ATE1: variants seen among roughly 807,000 people sequenced by gnomAD.
The protein encoded by ATE1 is arginyltransferase 1, also known as arginyl-tRNA--protein transferase 1.
In ATE1, 36 loss-of-function variants were observed where a neutral mutation model predicts 70.5. The ratio of observed to expected loss-of-function variants is 0.51; its 90% confidence interval spans 0.39 to 0.67. ATE1 has a LOEUF of 0.67. Among genes scored for constraint, ATE1 ranks in the 30% least tolerant of loss-of-function variants. The pLI is 0.00. For synonymous variants in ATE1, 232 were observed against 219.3 expected (o/e 1.06, Z -0.51); for missense variants, 593 against 629.5 (o/e 0.94, Z 0.62).
intron 8 of ATE1, among the ~76,000 whole-genome samples, chr10:121,850,543 T>C (rs1005019709): frequency 5.3e-5 from 8 of 152,186 alleles, no homozygotes; most frequent in African/African-American, 1.7e-4. Context: ...CTTGGTATCA[T>C]GAAATAATTT....
chr10:121,799,620 T>C lies in ATE1; in HGVS notation c.1258-9331A>G, dbSNP rs541108319. On this transcript the variant is annotated intron_variant, in intron 10 of 11. Transcript: ENST00000224652. ...TCCTGTGTCTACAGTTTCAGGAAGC[T>C]TCAAACTTAAATTTATATCCAAAAT... Among the ~76,000 whole-genome samples the C allele has an allele frequency of 2.6e-4, 40 of 152,336 alleles. 1 individual carries two copies. Among genetic ancestry groups the C allele is most frequent in the Admixed American group, 2.4e-3 (37 of 15,292 alleles).
intron 7 of ATE1, among the ~76,000 whole-genome samples, chr10:121,891,911 C>G (rs1325032951): frequency 6.6e-6 from 1 of 152,142 alleles, no homozygotes; most frequent in Admixed American, 6.5e-5. Flanking sequence ...TGATACTGTA[C>G]AGAGTCCCTT....
chr10:121,748,643 A>C (rs1944459962), intron 11 of ATE1, among the ~76,000 whole-genome samples: 1 of 151,744 alleles, frequency 6.6e-6, no homozygotes, highest in African/African-American at 2.4e-5. Flanking sequence ...CAAGTTCAAT[A>C]GTTTTTTTGT....
At chr10:121,909,112 C>T (rs752424638) in intron 5 of ATE1, among the ~76,000 whole-genome samples, 8 of 152,144 alleles carry the variant, frequency 5.3e-5, no homozygotes, top group Non-Finnish European at 1.2e-4. Flanking sequence ...CCTCAGCCTC[C>T]CAAGTAGCTG....
chr10:121,762,058 CAA>C (rs1264974221), intron 11 of ATE1, among the ~76,000 whole-genome samples: 1 of 152,182 alleles, frequency 6.6e-6, no homozygotes, highest in African/African-American at 2.4e-5. Context: ...TCACTGAAGT[CAA>C]AGTTGTCCCC....
At chr10:121,812,700 C>G (rs1185892844) in intron 10 of ATE1, among the ~76,000 whole-genome samples, 1 of 152,136 alleles carries the variant, frequency 6.6e-6, no homozygotes, top group Non-Finnish European at 1.5e-5. Context: ...AATGGCCTTT[C>G]CCTTCTCTTC....
chr10:121,764,038 T>C (rs1945170799), intron 11 of ATE1, among the ~76,000 whole-genome samples: 1 of 152,032 alleles, frequency 6.6e-6, no homozygotes, highest in South Asian at 2.1e-4. Flanking sequence ...GAACATATCC[T>C]AATGCAAACA....
intron 7 of ATE1, among the ~76,000 whole-genome samples, chr10:121,870,756 T>C (rs1010708296): frequency 6.6e-6 from 1 of 152,114 alleles, no homozygotes; most frequent in Non-Finnish European, 1.5e-5. Flanking sequence ...TAGAGGGGGA[T>C]AGAAACAAAT....
intron 8 of ATE1, among the ~76,000 whole-genome samples, chr10:121,855,317 G>A (rs1425956249): frequency 2.6e-5 from 4 of 152,224 alleles, no homozygotes; most frequent in Non-Finnish European, 5.9e-5. Context: ...GATTGCAACA[G>A]TAATAGGTAG....
At chr10:121,878,283 A>T (rs1207492078) in intron 7 of ATE1, among the ~76,000 whole-genome samples, 1 of 152,180 alleles carries the variant, frequency 6.6e-6, no homozygotes, top group African/African-American at 2.4e-5. Flanking sequence ...AGCAGTGACT[A>T]TAAGAGCATA....
intron 8 of ATE1, among the ~76,000 whole-genome samples, chr10:121,868,126 T>C (rs766866450): frequency 8.5e-5 from 13 of 152,150 alleles, no homozygotes; most frequent in Non-Finnish European, 1.3e-4. Context: ...AAATAAGATA[T>C]CTTGATAGGT....
chr10:121,882,020 TC>T (rs1369554987), intron 7 of ATE1, among the ~76,000 whole-genome samples: 5 of 152,094 alleles, frequency 3.3e-5, no homozygotes, highest in African/African-American at 1.2e-4. Context: ...GGTCTCAAAC[TC>T]CTCAACTCAG....
At chr10:121,892,435 T>C (rs1950610241) in intron 7 of ATE1, among the ~76,000 whole-genome samples, 1 of 151,182 alleles carries the variant, frequency 6.6e-6, no homozygotes, top group African/African-American at 2.4e-5. Flanking sequence ...AGGGGGTTCC[T>C]CAGTGCTCTT....
chr10:121,908,813 G>T (rs1951306509), intron 5 of ATE1, among the ~76,000 whole-genome samples: 1 of 152,110 alleles, frequency 6.6e-6, no homozygotes, highest in Admixed American at 6.5e-5. Flanking sequence ...ATAGACAAAA[G>T]AAAATTTAGC....
intron 11 of ATE1, among the ~76,000 whole-genome samples, chr10:121,761,169 C>T (rs1418516758): frequency 1.3e-5 from 2 of 152,184 alleles, no homozygotes; most frequent in African/African-American, 2.4e-5. Flanking sequence ...GTGGGAGCAG[C>T]TTGAGGCCCT....
At chr10:121,888,390 T>C (rs1564929840) in intron 7 of ATE1, among the ~76,000 whole-genome samples, 1 of 151,976 alleles carries the variant, frequency 6.6e-6, no homozygotes, top group African/African-American at 2.4e-5. Context: ...CAAGACTCCA[T>C]CTCAAAAAAT....
chr10:121,900,144 G>A, intron 6 of ATE1, 150 bp from the exon 7 acceptor site: 2 of 849,664 alleles, frequency 2.4e-6, no homozygotes, highest in South Asian at 2.2e-5. Flanking sequence ...CAACCAGTTA[G>A]TAAATAAAGA....
intron 7 of ATE1, among the ~76,000 whole-genome samples, chr10:121,877,279 A>G (rs1045106878): frequency 6.6e-6 from 1 of 152,216 alleles, no homozygotes; most frequent in East Asian, 1.9e-4. Flanking sequence ...TTTTACAAGT[A>G]TGTTTAAGAG....
intron 10 of ATE1, among the ~76,000 whole-genome samples, chr10:121,808,146 T>C (rs1421809476): frequency 6.6e-6 from 1 of 152,236 alleles, no homozygotes; most frequent in African/African-American, 2.4e-5. Context: ...TAAGGATTTA[T>C]TTAAAACTCC....
Sources: allele counts gnomAD v4.1 joint callset (sites outside exome capture counted in the v4.1 genomes callset), GRCh38; gene constraint gnomAD v4.1.1; transcripts MANE v1.5; gene names NCBI Gene and HGNC (gene_info 2026-07-23, HGNC 2026-07-21).